The following IL1RAPL2 variants were observed in gnomAD, a reference collection of about 807,000 sequenced individuals.
IL1RAPL2 encodes the protein interleukin 1 receptor accessory protein like 2.
A neutral mutation model predicts 44.1 loss-of-function variants in IL1RAPL2; 3 were observed. The ratio of observed to expected loss-of-function variants is 0.07; its 90% CI spans 0.03 to 0.18. The LOEUF is 0.18. Among genes scored for constraint, IL1RAPL2 ranks in the 10% least tolerant of loss-of-function variants. The pLI is 1.00. For synonymous variants in IL1RAPL2, 181 were observed against 178.8 expected (o/e 1.01, Z -0.10); for missense variants, 391 against 496.4 (o/e 0.79, Z 2.02).
At chrX:105,289,588 G>A (rs1474645647) in intron 5 of IL1RAPL2, among the ~76,000 whole-genome samples, 2 of 111,807 alleles carry the variant, frequency 1.8e-5, no homozygotes, top group Non-Finnish European at 3.8e-5. Context: ...TGGGGTACTA[G>A]AATAAGTAAT....
intron 2 of IL1RAPL2, among the ~76,000 whole-genome samples, chrX:105,014,557 A>C (rs964190785): frequency 9.0e-6 from 1 of 111,716 alleles, no homozygotes; most frequent in East Asian, 2.8e-4. Flanking sequence ...GAGTGAGAAC[A>C]TGCAGTGTTT....
At chrX:105,715,466 C>T (rs2038249178) in intron 6 of IL1RAPL2, among the ~76,000 whole-genome samples, 2 of 111,703 alleles carry the variant, frequency 1.8e-5, no homozygotes, top group Admixed American at 1.9e-4. Flanking sequence ...TAAAGATCAC[C>T]TCTTGTTCTA....
chrX:104,932,218 C>T (rs189304162), intron 2 of IL1RAPL2, among the ~76,000 whole-genome samples: 45 of 109,048 alleles, frequency 4.1e-4, no homozygotes, highest in African/African-American at 1.5e-3. Flanking sequence ...AGGCTGGTCT[C>T]GAACTGCTGA....
intron 3 of IL1RAPL2, among the ~76,000 whole-genome samples, chrX:105,231,497 G>GA (rs2034070334): frequency 1.8e-5 from 2 of 110,704 alleles, no homozygotes; most frequent in Admixed American, 1.9e-4. Flanking sequence ...TACAAAAATG[G>GA]AAAAAAAATA....
At chrX:105,531,843 C>A (rs1271160041) in intron 6 of IL1RAPL2, among the ~76,000 whole-genome samples, 2 of 111,845 alleles carry the variant, frequency 1.8e-5, no homozygotes, top group East Asian at 5.6e-4. Flanking sequence ...TTCTTGGCAT[C>A]TTTTCCAGCA....
At chrX:105,194,637 C>T (rs1338620043) in intron 2 of IL1RAPL2, among the ~76,000 whole-genome samples, 1 of 111,127 alleles carries the variant, frequency 9.0e-6, no homozygotes, top group African/African-American at 3.3e-5. Flanking sequence ...GGCAGCTAAG[C>T]AGAAAGGGAG....
At chrX:105,523,035 G>A (rs1304289698) in intron 6 of IL1RAPL2, among the ~76,000 whole-genome samples, 3 of 111,314 alleles carry the variant, frequency 2.7e-5, no homozygotes, top group Non-Finnish European at 5.7e-5. Context: ...CTATTTTCCA[G>A]AATACCATAT....
chrX:104,633,886 CT>C (rs1246727652), intron 1 of IL1RAPL2, among the ~76,000 whole-genome samples: 1 of 111,414 alleles, frequency 9.0e-6, no homozygotes, highest in African/African-American at 3.3e-5. Context: ...CTTCTGCTAG[CT>C]TTTGAATGTG....
intron 2 of IL1RAPL2, among the ~76,000 whole-genome samples, chrX:105,190,026 ACT>A (rs1225475253): frequency 1.8e-5 from 2 of 111,978 alleles, no homozygotes; most frequent in African/African-American, 3.3e-5. Flanking sequence ...AGTCACTTAA[ACT>A]CTCTGAGCTT....
chrX:105,067,023 G>T (rs912009852), intron 2 of IL1RAPL2, among the ~76,000 whole-genome samples: 2 of 111,804 alleles, frequency 1.8e-5, no homozygotes, highest in Non-Finnish European at 3.8e-5. Context: ...GCAAGTTTAT[G>T]TTTCAGCATG....
chrX:105,669,526 A>C (rs2037799138), intron 6 of IL1RAPL2, among the ~76,000 whole-genome samples: 1 of 111,437 alleles, frequency 9.0e-6, no homozygotes, highest in African/African-American at 3.3e-5. Flanking sequence ...CACCCAAAGC[A>C]ATTTTTCTAA....
chrX:105,299,256 GTTCCTATA>G (rs2034677608), intron 5 of IL1RAPL2, among the ~76,000 whole-genome samples: 4 of 111,851 alleles, frequency 3.6e-5, no homozygotes, highest in African/African-American at 1.3e-4. Flanking sequence ...CTGTGATACT[GTTCCTATA>G]ACCATAATAG....
chrX:104,590,424 T>C (rs1207474636), intron 1 of IL1RAPL2, among the ~76,000 whole-genome samples: 3 of 111,693 alleles, frequency 2.7e-5, no homozygotes, highest in African/African-American at 6.6e-5. Context: ...GACATTCTTT[T>C]GAAAAATCAC....
chrX:105,411,580 G>C (rs780324193), intron 5 of IL1RAPL2, among the ~76,000 whole-genome samples: 27 of 111,326 alleles, frequency 2.4e-4, no homozygotes, highest in African/African-American at 8.1e-4. Flanking sequence ...AAAGATTATT[G>C]TATAATGATA....
At chrX:105,303,846 C>A (rs998235585) in intron 5 of IL1RAPL2, among the ~76,000 whole-genome samples, 1 of 112,489 alleles carries the variant, frequency 8.9e-6, no homozygotes, top group Non-Finnish European at 1.9e-5. Flanking sequence ...ACAGGATCTC[C>A]GAAGAGGTCA....
chrX:104,654,199 A>G (rs1025099701), intron 1 of IL1RAPL2, among the ~76,000 whole-genome samples: 3 of 111,025 alleles, frequency 2.7e-5, no homozygotes, highest in African/African-American at 9.8e-5. Context: ...AGTGCTTGAG[A>G]CTCAATACTG....
At chrX:105,667,758 T>C (rs192281775) in intron 6 of IL1RAPL2, among the ~76,000 whole-genome samples, 40 of 111,516 alleles carry the variant, frequency 3.6e-4, no homozygotes, top group African/African-American at 1.2e-3. Context: ...TAGAATATTA[T>C]TAATAACATG....
chrX:104,962,891 G>A (rs984063529), intron 2 of IL1RAPL2, among the ~76,000 whole-genome samples: 2 of 111,817 alleles, frequency 1.8e-5, no homozygotes, highest in Admixed American at 9.5e-5. Flanking sequence ...TAATAGGAGC[G>A]TTGGATGGCT....
chrX:104,885,127 A>T (rs1156789079), intron 2 of IL1RAPL2, among the ~76,000 whole-genome samples: 2 of 111,977 alleles, frequency 1.8e-5, no homozygotes, highest in African/African-American at 3.2e-5. Context: ...ATGCTATTGT[A>T]AGATCAAACC....
Sources: allele counts gnomAD v4.1 joint callset (sites outside exome capture counted in the v4.1 genomes callset), GRCh38; gene constraint gnomAD v4.1.1; transcripts MANE v1.5; gene names NCBI Gene and HGNC (gene_info 2026-07-23, HGNC 2026-07-21).